The following GNAO1 variants were observed in gnomAD, a reference collection of about 807,000 sequenced individuals.
GNAO1 encodes the protein guanine nucleotide-binding protein G(o) subunit alpha.
For synonymous variants in GNAO1, 164 were observed against 180.7 expected, an observed-to-expected ratio of 0.91 and a Z score of 0.74; for missense variants, 166 against 478.7, an observed-to-expected ratio of 0.35 and a Z score of 6.10.
chr16:56,217,418 C>T (rs2036445934), intron 2 of GNAO1, among the ~76,000 whole-genome samples: 1 of 152,178 alleles, frequency 6.6e-6, no homozygotes. Context: ...CGGGCTGAGG[C>T]TCTGCATCTT....
intron 2 of GNAO1, among the ~76,000 whole-genome samples, chr16:56,235,895 TG>T (rs1317253634): frequency 1.3e-5 from 2 of 152,192 alleles, no homozygotes; most frequent in African/African-American, 4.8e-5. Flanking sequence ...AATGGAGTGG[TG>T]GAAGTTGGTA....
intron 2 of GNAO1, among the ~76,000 whole-genome samples, chr16:56,263,586 A>G (rs1279647549): frequency 6.6e-6 from 1 of 152,238 alleles, no homozygotes; most frequent in African/African-American, 2.4e-5. Context: ...CCTGAATGCA[A>G]TGAGGTATGC....
At chr16:56,350,957 G>T (rs1261460086) in intron 6 of GNAO1, among the ~76,000 whole-genome samples, 1 of 151,660 alleles carries the variant, frequency 6.6e-6, no homozygotes, top group African/African-American at 2.4e-5. Context: ...ACACAGGCAT[G>T]CACACACAGG....
intron 3 of GNAO1, among the ~76,000 whole-genome samples, chr16:56,282,583 CA>C (rs1459666631): frequency 6.6e-6 from 1 of 152,200 alleles, no homozygotes; most frequent in African/African-American, 2.4e-5. Context: ...TACAACAAGA[CA>C]AAAGACTGCG....
chr16:56,222,933 G>A (rs959764612), intron 2 of GNAO1, among the ~76,000 whole-genome samples: 4 of 152,184 alleles, frequency 2.6e-5, no homozygotes, highest in East Asian at 1.9e-4. Flanking sequence ...GCTTTGCAGC[G>A]TGGTTGAGTA....
At chr16:56,285,198 C>T (rs889421093) in intron 3 of GNAO1, among the ~76,000 whole-genome samples, 8 of 152,218 alleles carry the variant, frequency 5.3e-5, no homozygotes, top group African/African-American at 7.2e-5. Flanking sequence ...AAACTGCAAG[C>T]GGTGATGCCT....
At chr16:56,277,845 T>G (rs2143525665) in intron 3 of GNAO1, among the ~76,000 whole-genome samples, 1 of 134,612 alleles carries the variant, frequency 7.4e-6, no homozygotes, top group Non-Finnish European at 1.6e-5. Flanking sequence ...ACACACACGG[T>G]GTGTGAGATC....
At position 56,229,352 on chromosome 16, in the gene GNAO1, A is replaced by AG. The variant is rs762125528; in HGVS notation, c.161+36736_161+36737insG. On this transcript the variant is annotated intron_variant, in intron 2 of 8. Transcript: ENST00000262493. ...CCTGAGTAGCTGTGATTATAGGCAC[A>AG]CACCACCTCGCCTGACTAATTTTTT... 9.9e-5 allele frequency among the ~76,000 whole-genome samples: 15 copies of AG among 152,280 alleles called. No homozygotes were observed. The East Asian group carries it at 2.3e-3, about 24-fold the overall frequency.
rs563797896 is a variant in GNAO1 at position 56,265,857 on chromosome 16, T to C, written c.162-10074T>C. ...ATTTTGAGTAGTACATTAGCCATAG[T>C]ACTGGTCCCTGCTGCTCCTCTGGCC... On this transcript the variant is annotated intron_variant, in intron 2 of 8. Transcript: ENST00000262493. Among the ~76,000 whole-genome samples the C allele has an allele frequency of 8.8e-4, 134 of 152,280 alleles. 2 individuals carry two copies. Among genetic ancestry groups the C allele is most frequent in the South Asian group, 3.1e-3 (15 of 4,822 alleles).
chr16:56,280,501 G>T (rs541731972), intron 3 of GNAO1, among the ~76,000 whole-genome samples: 2 of 152,120 alleles, frequency 1.3e-5, no homozygotes, highest in Non-Finnish European at 2.9e-5. Context: ...GTAGGCAGCC[G>T]TGGAGAGATT....
intron 2 of GNAO1, among the ~76,000 whole-genome samples, chr16:56,247,611 C>G (rs1369928407): frequency 6.7e-6 from 1 of 149,520 alleles, no homozygotes; most frequent in Non-Finnish European, 1.5e-5. Context: ...AGGTCCTCAA[C>G]AAATAATTGG....
intron 2 of GNAO1, among the ~76,000 whole-genome samples, chr16:56,265,993 T>G (rs2036949530): frequency 6.6e-6 from 1 of 152,176 alleles, no homozygotes. Context: ...CTCTGCCTGT[T>G]GCGTTCTTCC....
chr16:56,219,793 A>G (rs1479850465), intron 2 of GNAO1, among the ~76,000 whole-genome samples: 1 of 152,162 alleles, frequency 6.6e-6, no homozygotes, highest in Non-Finnish European at 1.5e-5. Flanking sequence ...CCTGCAAAAT[A>G]GCCCTTGAGA....
At chr16:56,341,142 G>A (rs1158732130) in intron 6 of GNAO1, among the ~76,000 whole-genome samples, 1 of 152,198 alleles carries the variant, frequency 6.6e-6, no homozygotes, top group South Asian at 2.1e-4. Flanking sequence ...GTGCTCTAGA[G>A]AGGAGGGGCA....
At chr16:56,254,890 A>G (rs563551268) in intron 2 of GNAO1, among the ~76,000 whole-genome samples, 1 of 152,256 alleles carries the variant, frequency 6.6e-6, no homozygotes, top group East Asian at 1.9e-4. Flanking sequence ...AATTAAACAC[A>G]TATTGCTTTA....
In GNAO1 at chr16:56,351,746, C is replaced by A; in HGVS notation, c.877+209C>A. 1.8e-6 allele frequency: 1 copy of A among 565,198 alleles called. No homozygotes were observed. Among genetic ancestry groups the A allele is most frequent in the South Asian group, 2.1e-5 (1 of 48,072 alleles). The allele number at this position is 565,198 out of a possible 1,614,324, so 35.0% of individuals were successfully genotyped here. On this transcript the variant is annotated intron_variant, in intron 7 of 8. Coordinates refer to ENST00000262493, the MANE Select transcript of GNAO1 (RefSeq NM_020988.3). The surrounding 1 kb of genome is among the most constrained non-coding windows in gnomAD (Gnocchi z 6.1). Reference sequence around the variant, plus strand: ...GCCCTCAGCGTGGTGGAAATGGCCCCTCCTAAGATATATGTGTTAGGACCA... The same window carrying A: ...GCCCTCAGCGTGGTGGAAATGGCCCATCCTAAGATATATGTGTTAGGACCA...
At chr16:56,292,546 G>A (rs2037242513) in intron 3 of GNAO1, among the ~76,000 whole-genome samples, 1 of 152,088 alleles carries the variant, frequency 6.6e-6, no homozygotes, top group African/African-American at 2.4e-5. Context: ...ATTTTTTGTA[G>A]AGATAGGGTT....
chr16:56,261,154 C>G (rs1319154728), intron 2 of GNAO1, among the ~76,000 whole-genome samples: 1 of 152,194 alleles, frequency 6.6e-6, no homozygotes, highest in South Asian at 2.1e-4. Context: ...TTCAGACTTG[C>G]TTTTGGCAGA....
At chr16:56,261,976 G>A (rs1422858284) in intron 2 of GNAO1, among the ~76,000 whole-genome samples, 1 of 152,108 alleles carries the variant, frequency 6.6e-6, no homozygotes, top group Non-Finnish European at 1.5e-5. Flanking sequence ...CTAGCCTAGG[G>A]GTACACTAGC....
Sources: allele counts gnomAD v4.1 joint callset (sites outside exome capture counted in the v4.1 genomes callset), GRCh38; gene constraint gnomAD v4.1.1; non-coding constraint Gnocchi (gnomAD v3.1); transcripts MANE v1.5; gene names NCBI Gene and HGNC (gene_info 2026-07-23, HGNC 2026-07-21).